Variants in NFATC2 observed in about 807,000 individuals in gnomAD.
NFATC2 encodes nuclear factor of activated T-cells, cytoplasmic 2.
NFATC2 carries 22 observed loss-of-function variants against 87.3 expected under a neutral mutation model. The observed-to-expected ratio is 0.25, with a 90% CI of 0.18 to 0.36. NFATC2 has a LOEUF of 0.36. Ranked by LOEUF, NFATC2 falls within the 10% of genes least tolerant of loss-of-function variation. The pLI is 1.00. For synonymous variants in NFATC2, 565 were observed against 542.2 expected (o/e 1.04, Z -0.58); for missense variants, 1,149 against 1,259.1 (o/e 0.91, Z 1.32).
intron 1 of NFATC2, among the ~76,000 whole-genome samples, chr20:51,525,211 C>T (rs991478043): frequency 1.3e-5 from 2 of 152,090 alleles, no homozygotes; most frequent in African/African-American, 4.8e-5. Flanking sequence ...TAGAGTGAGA[C>T]TCTGTCTCAA....
At chr20:51,528,554 C>T (rs746873383) in intron 1 of NFATC2, among the ~76,000 whole-genome samples, 1 of 152,162 alleles carries the variant, frequency 6.6e-6, no homozygotes, top group Non-Finnish European at 1.5e-5. Context: ...CTGAAGGATG[C>T]ACAGGCTTTC....
intron 3 of NFATC2, among the ~76,000 whole-genome samples, chr20:51,492,723 C>A (rs892846692): frequency 1.3e-5 from 2 of 152,276 alleles, no homozygotes; most frequent in Non-Finnish European, 2.9e-5. Flanking sequence ...CCATGCCAGG[C>A]GACTTGGAAG....
At chr20:51,542,826 G>A (rs2076848189), upstream of NFATC2, 4 of 698,778 alleles carry the variant, frequency 5.7e-6, no homozygotes, top group Admixed American at 6.2e-5. Flanking sequence ...GGGACCGGAG[G>A]GGAGGGGCGC....
chr20:51,427,318 G>A (rs757459156), intron 9 of NFATC2, among the ~76,000 whole-genome samples: 7 of 152,092 alleles, frequency 4.6e-5, no homozygotes, highest in Middle Eastern at 3.2e-3. Context: ...TTTCCCCAGC[G>A]CCTCTCCCGC....
intron 1 of NFATC2, among the ~76,000 whole-genome samples, chr20:51,561,747 T>C (rs2077035276): frequency 6.6e-6 from 1 of 152,134 alleles, no homozygotes; most frequent in Non-Finnish European, 1.5e-5. Context: ...TGCTCCCCTC[T>C]GAAAAACACA....
rs34696779 is a variant in NFATC2, at chr20:51,424,849, TA to T, written c.2722+7217del. Among the ~76,000 whole-genome samples the T allele has an allele frequency of 6.8e-3, 978 of 142,870 alleles. 11 individuals carry two copies. Among genetic ancestry groups the T allele is most frequent in the African/African-American group, 0.017 (682 of 39,222 alleles). The allele number at this position is 142,870 out of a possible 152,430, so 93.7% of individuals were successfully genotyped here. The stretch of plus-strand genomic sequence containing the variant: ...TATTTGCATATGCTCGGGATTACAT[TA>T]AAAAAAAAAAAACCCTAAAGCATTC... On this transcript the variant is annotated intron_variant, in intron 9 of 10. Transcript: ENST00000371564.
At chr20:51,399,400 C>CCAAGT (rs1294002400) in intron 9 of NFATC2, among the ~76,000 whole-genome samples, 1 of 152,178 alleles carries the variant, frequency 6.6e-6, no homozygotes, top group African/African-American at 2.4e-5. Flanking sequence ...ATTGGAATAC[C>CCAAGT]CAAGTCCATT....
intron 1 of NFATC2, among the ~76,000 whole-genome samples, chr20:51,559,620 G>A (rs981951778): frequency 1.3e-5 from 2 of 152,190 alleles, no homozygotes; most frequent in African/African-American, 4.8e-5. Context: ...ATCATCTACA[G>A]TGTTATAACA....
chr20:51,402,914 T>C (rs541596425), intron 9 of NFATC2, among the ~76,000 whole-genome samples: 5 of 152,326 alleles, frequency 3.3e-5, no homozygotes, highest in African/African-American at 1.2e-4. Flanking sequence ...TTAGAAAGAA[T>C]TCACTGGATA....
At chr20:51,548,923 C>T (rs1366618418) in intron 1 of NFATC2, among the ~76,000 whole-genome samples, 1 of 152,174 alleles carries the variant, frequency 6.6e-6, no homozygotes, top group Non-Finnish European at 1.5e-5. Context: ...GGTTCCAATA[C>T]CTGTAATTAT....
chr20:51,532,136 G>A (rs760498946), intron 1 of NFATC2, among the ~76,000 whole-genome samples: 11 of 152,040 alleles, frequency 7.2e-5, no homozygotes, highest in Non-Finnish European at 1.5e-4. Flanking sequence ...ACTTTATATC[G>A]AGAACTGTAC....
intron 10 of NFATC2, among the ~76,000 whole-genome samples, chr20:51,396,348 A>T (rs1987141629): frequency 6.6e-6 from 1 of 152,068 alleles, no homozygotes; most frequent in African/African-American, 2.4e-5. Flanking sequence ...TCAGGATTAC[A>T]TGGGGAAAAC....
At chr20:51,520,061 T>C (rs1023201994) in intron 2 of NFATC2, among the ~76,000 whole-genome samples, 1 of 152,166 alleles carries the variant, frequency 6.6e-6, no homozygotes, top group African/African-American at 2.4e-5. Flanking sequence ...TCCTCTCAAC[T>C]TTATAGAAGA....
intron 9 of NFATC2, among the ~76,000 whole-genome samples, chr20:51,403,622 A>C (rs993871422): frequency 1.3e-5 from 2 of 152,186 alleles, no homozygotes; most frequent in African/African-American, 2.4e-5. Context: ...TGGTGCAGTC[A>C]TGAAGGTGGG....
At chr20:51,542,081 C>A (rs2076827861) in intron 1 of NFATC2, among the ~76,000 whole-genome samples, 1 of 152,176 alleles carries the variant, frequency 6.6e-6, no homozygotes, top group Non-Finnish European at 1.5e-5. Context: ...CACCCGCCCC[C>A]CAGCCTTGGG....
At chr20:51,401,567 CG>C (rs1988050277) in intron 9 of NFATC2, among the ~76,000 whole-genome samples, 2 of 152,150 alleles carry the variant, frequency 1.3e-5, no homozygotes, top group South Asian at 4.1e-4. Context: ...GAGATGCGGA[CG>C]TCAAGAGAAA....
intron 3 of NFATC2, among the ~76,000 whole-genome samples, chr20:51,495,241 C>T (rs1370108153): frequency 2.6e-5 from 4 of 152,228 alleles, no homozygotes; most frequent in Admixed American, 2.6e-4. Context: ...CGTGCCACCA[C>T]ACCCAGCTAA....
chr20:51,394,695 C>T (rs1291160711), intron 10 of NFATC2, among the ~76,000 whole-genome samples: 1 of 141,050 alleles, frequency 7.1e-6, no homozygotes, highest in Non-Finnish European at 1.5e-5. Flanking sequence ...TGGGAAACTT[C>T]AGGTCACAGT....
At chr20:51,405,352 CAG>C (rs886914955) in intron 9 of NFATC2, among the ~76,000 whole-genome samples, 9 of 152,206 alleles carry the variant, frequency 5.9e-5, no homozygotes, top group African/African-American at 2.2e-4. Flanking sequence ...AGACACCACT[CAG>C]GAAGATGTGA....
Sources: gnomAD v4.1 joint callset for allele counts (sites outside exome capture counted in the v4.1 genomes callset) on GRCh38, gnomAD v4.1.1 for gene constraint, MANE v1.5 for transcripts, NCBI Gene and HGNC (gene_info 2026-07-23, HGNC 2026-07-21) for gene names.